Variants in PCDH7 observed in about 807,000 individuals in gnomAD.
PCDH7 encodes protocadherin 7.
A neutral mutation model predicts 58.9 loss-of-function variants in PCDH7; 17 were observed. That is an observed-to-expected ratio of 0.29 (90% CI 0.20 to 0.43). PCDH7 has a LOEUF of 0.43. PCDH7 is among the 20% of genes least tolerant of loss of function. The pLI is 1.00. For missense variants in PCDH7, 1,274 were observed against 1,441.0 expected, an observed-to-expected ratio of 0.88 and a Z score of 1.88; for synonymous variants, 664 against 616.4, an observed-to-expected ratio of 1.08 and a Z score of -1.14.
At chr4:31,063,939 A>G (rs1757890866) in intron 3 of PCDH7, among the ~76,000 whole-genome samples, 1 of 151,978 alleles carries the variant, frequency 6.6e-6, no homozygotes, top group Non-Finnish European at 1.5e-5. Flanking sequence ...TGGAGAAGAC[A>G]GTCAACCCAA....
At chr4:30,898,093 A>T (rs1739684366) in intron 1 of PCDH7, among the ~76,000 whole-genome samples, 2 of 152,348 alleles carry the variant, frequency 1.3e-5, no homozygotes, top group Admixed American at 1.3e-4. Flanking sequence ...ATTAAAAAGT[A>T]GAGTTCAGTC....
chr4:31,045,417 C>T (rs1756200644), intron 3 of PCDH7, among the ~76,000 whole-genome samples: 1 of 152,084 alleles, frequency 6.6e-6, no homozygotes, highest in Admixed American at 6.6e-5. Context: ...GCCAGAGAGC[C>T]ATTTCCGTAG....
intron 3 of PCDH7, among the ~76,000 whole-genome samples, chr4:31,005,058 G>A (rs1752663558): frequency 6.6e-6 from 1 of 152,182 alleles, no homozygotes; most frequent in African/African-American, 2.4e-5. Context: ...AAATTTCCGA[G>A]TTTAACTTCC....
intron 3 of PCDH7, among the ~76,000 whole-genome samples, chr4:31,021,988 C>A (rs10007906): frequency 0.54 from 82,556 of 152,048 alleles, 26,166 homozygotes; most frequent in African/African-American, 0.87. Flanking sequence ...TTAGGTTAGG[C>A]AACTTAACAC....
chr4:30,741,921 G>A (rs529551949), intron 1 of PCDH7, among the ~76,000 whole-genome samples: 12 of 152,358 alleles, frequency 7.9e-5, no homozygotes, highest in African/African-American at 2.6e-4. Flanking sequence ...TGAGGATGCA[G>A]CGTGTTTTGC....
intron 1 of PCDH7, among the ~76,000 whole-genome samples, chr4:30,769,973 T>C (rs1345328504): frequency 1.3e-5 from 2 of 152,196 alleles, no homozygotes; most frequent in Admixed American, 6.5e-5. Context: ...GCTATATTCT[T>C]GATTATGCAG....
intron 3 of PCDH7, among the ~76,000 whole-genome samples, chr4:31,002,356 T>G (rs774816417): frequency 5.3e-5 from 8 of 152,244 alleles, no homozygotes; most frequent in Non-Finnish European, 8.8e-5. Context: ...ACACGCACAA[T>G]TTAATAGCAT....
At chr4:30,832,035 G>C (rs1057392567) in intron 1 of PCDH7, among the ~76,000 whole-genome samples, 3 of 152,068 alleles carry the variant, frequency 2.0e-5, no homozygotes, top group Admixed American at 2.0e-4. Flanking sequence ...TAACACTTTA[G>C]AAAAGCACAG....
chr4:30,867,255 G>A (rs1734993944), intron 1 of PCDH7, among the ~76,000 whole-genome samples: 1 of 152,034 alleles, frequency 6.6e-6, no homozygotes, highest in African/African-American at 2.4e-5. Context: ...ATTAGTCTCT[G>A]TATGCTAAGG....
intron 1 of PCDH7, among the ~76,000 whole-genome samples, chr4:30,874,254 A>C (rs1379034521): frequency 6.6e-6 from 1 of 152,016 alleles, no homozygotes; most frequent in Admixed American, 6.6e-5. Flanking sequence ...ACGTATGTTT[A>C]TTGCGGCACT....
chr4:30,748,468 G>A lies in PCDH7; in HGVS notation c.70+23872G>A, dbSNP rs146174160. Among the ~76,000 whole-genome samples the A allele has an allele frequency of 4.7e-3, 712 of 152,280 alleles. 6 individuals are homozygous for A. Among genetic ancestry groups the A allele is most frequent in the African/African-American group, 0.016 (672 of 41,556 alleles). On this transcript the variant is annotated intron_variant, in intron 1 of 3. Coordinates refer to the PCDH7 transcript ENST00000509759. ...CTCTCATGTTGGAAGGCAACACATC[G>A]TGAGTGAGCACATTAGACAGAGAAC...
intron 3 of PCDH7, among the ~76,000 whole-genome samples, chr4:31,044,133 G>A (rs1020452495): frequency 6.6e-6 from 1 of 152,060 alleles, no homozygotes; most frequent in South Asian, 2.1e-4. Context: ...TAATAGTGGT[G>A]CCTACCATTA....
chr4:31,012,136 A>G (rs1374949684), intron 3 of PCDH7, among the ~76,000 whole-genome samples: 4 of 152,106 alleles, frequency 2.6e-5, no homozygotes, highest in Non-Finnish European at 4.4e-5. Context: ...GCTGGCAAAC[A>G]TAGTTTCTTG....
At chr4:31,106,329 T>G (rs1715569615) in intron 3 of PCDH7, among the ~76,000 whole-genome samples, 1 of 152,158 alleles carries the variant, frequency 6.6e-6, no homozygotes, top group African/African-American at 2.4e-5. Context: ...GTGCAAAAAT[T>G]TCCTGACAAT....
rs1253908949 is a variant in PCDH7, at chr4:30,958,491, A to G, written c.*7+8276A>G. ...ATTAATAACTTAAGGTGATTCAAAT[A>G]ATAACATTAGAAAATAAAATATATT... On this transcript the variant is annotated intron_variant, in intron 3 of 3. Coordinates refer to the PCDH7 transcript ENST00000509759. 4.6e-5 allele frequency among the ~76,000 whole-genome samples: 7 copies of G among 152,022 alleles called. No individual in the cohort carries two copies. The East Asian group carries it at 1.3e-3, about 29-fold the overall frequency.
At chr4:30,911,035 C>A in intron 1 of PCDH7, among the ~76,000 whole-genome samples, 1 of 152,032 alleles carries the variant, frequency 6.6e-6, no homozygotes, top group East Asian at 1.9e-4. Context: ...GGAAACCATC[C>A]TTGTCAGCAA....
rs548987744 is a variant in PCDH7 at position 30,764,611 on chromosome 4, C to A, written c.70+40015C>A. Among the ~76,000 whole-genome samples, 8 of 152,188 alleles carry A rather than the reference C, an allele frequency of 5.3e-5. No individual in the cohort carries two copies. In the South Asian group the frequency reaches 1.2e-3, roughly 24 times the overall value. On this transcript the variant is annotated intron_variant, in intron 1 of 3. Coordinates refer to the PCDH7 transcript ENST00000509759. ...AATGCACTGTGTTAACTTTGAAATA[C>A]CAGCCTTAGGTTTCACTAGATCTTT... is the stretch of plus-strand genomic sequence containing the variant.
intron 2 of PCDH7, among the ~76,000 whole-genome samples, chr4:30,949,294 TA>T (rs1267249515): frequency 1.3e-5 from 2 of 152,146 alleles, no homozygotes; most frequent in Non-Finnish European, 2.9e-5. Flanking sequence ...AATATAAACA[TA>T]CAAAGTTAAA....
At chr4:30,894,596 CATATAT>C (rs576995805) in intron 1 of PCDH7, among the ~76,000 whole-genome samples, 3 of 124,142 alleles carry the variant, frequency 2.4e-5, no homozygotes, top group African/African-American at 6.0e-5. Context: ...CACACACACA[CATATAT>C]ATATATATAT....
Sources: gnomAD v4.1 joint callset for allele counts (sites outside exome capture counted in the v4.1 genomes callset) on GRCh38, gnomAD v4.1.1 for gene constraint, MANE v1.5 for transcripts, NCBI Gene and HGNC (gene_info 2026-07-23, HGNC 2026-07-21) for gene names.